AGT: variants seen among roughly 807,000 people sequenced by gnomAD.
AGT encodes the protein angiotensinogen, also known as alpha-1 antiproteinase, antitrypsin.
AGT carries 26 observed loss-of-function variants against 28.1 expected under a neutral mutation model. The observed-to-expected ratio is 0.92, with a 90% confidence interval of 0.68 to 1.28. AGT has a LOEUF of 1.28. AGT is among the 50% of genes most tolerant of loss of function. The pLI is 0.00. For missense variants in AGT, 596 were observed against 592.3 expected (o/e 1.01, Z -0.06); for synonymous variants, 259 against 259.6 (o/e 1.00, Z 0.02).
chr1:230,706,466 G>A (rs1663390827), intron 2 of AGT, among the ~76,000 whole-genome samples: 1 of 152,136 alleles, frequency 6.6e-6, no homozygotes, highest in Non-Finnish European at 1.5e-5. Context: ...GCACCAAACC[G>A]GGGGTTTTGC....
At chr1:230,729,266 C>T (rs2102801911) in intron 1 of AGT, among the ~76,000 whole-genome samples, 1 of 152,314 alleles carries the variant, frequency 6.6e-6, no homozygotes, top group East Asian at 1.9e-4. Flanking sequence ...GCCCTAATTG[C>T]TCTTCCTAGC....
chr1:230,737,867 A>G (rs927483731), intron 1 of AGT, among the ~76,000 whole-genome samples: 4 of 152,164 alleles, frequency 2.6e-5, no homozygotes, highest in African/African-American at 9.7e-5. Flanking sequence ...GAAAGCCTTT[A>G]GCCATCACCC....
chr1:230,732,991 G>A (rs960409206), intron 1 of AGT, among the ~76,000 whole-genome samples: 8 of 151,930 alleles, frequency 5.3e-5, no homozygotes, highest in African/African-American at 1.9e-4. Context: ...TCTGTTAAAA[G>A]TCAGTCCCTG....
At chr1:230,714,449 C>A (rs1325819407), upstream of AGT, among the ~76,000 whole-genome samples, 1 of 152,184 alleles carries the variant, frequency 6.6e-6, no homozygotes, top group Non-Finnish European at 1.5e-5. Context: ...ACCACCCAGG[C>A]CTTCTGACCC....
At chr1:230,741,644 A>T (rs543473532) in intron 1 of AGT, among the ~76,000 whole-genome samples, 50 of 152,344 alleles carry the variant, frequency 3.3e-4, no homozygotes, top group Middle Eastern at 6.8e-3. Flanking sequence ...AAGTCCCTGG[A>T]TGAAGAAAGG....
intron 1 of AGT, among the ~76,000 whole-genome samples, chr1:230,720,987 C>G (rs1237443125): frequency 2.0e-5 from 3 of 152,196 alleles, no homozygotes; most frequent in African/African-American, 7.2e-5. Flanking sequence ...CAGACCTGGC[C>G]CAGGGGGGCC....
chr1:230,729,736 T>G (rs1196744278), intron 1 of AGT, among the ~76,000 whole-genome samples: 1 of 152,100 alleles, frequency 6.6e-6, no homozygotes, highest in East Asian at 1.9e-4. Flanking sequence ...CCAGGTAAAG[T>G]TAGAATGAGC....
intron 1 of AGT, among the ~76,000 whole-genome samples, chr1:230,736,339 C>T (rs773769918): frequency 5.3e-5 from 8 of 152,054 alleles, no homozygotes; most frequent in Middle Eastern, 3.4e-3. Flanking sequence ...CTGGCTAACA[C>T]GGTGAAACCC....
chr1:230,737,427 C>G (rs536660729), intron 1 of AGT, among the ~76,000 whole-genome samples: 1 of 152,142 alleles, frequency 6.6e-6, no homozygotes, highest in African/African-American at 2.4e-5. Context: ...TTCCCTGGCC[C>G]CAGCTTCCTG....
At chr1:230,741,237 G>A (rs1055502693) in intron 1 of AGT, among the ~76,000 whole-genome samples, 3 of 152,210 alleles carry the variant, frequency 2.0e-5, no homozygotes, top group Non-Finnish European at 4.4e-5. Context: ...AGGCCATAGG[G>A]GCAGTGATCT....
At chr1:230,741,533 C>T (rs555715210) in intron 1 of AGT, among the ~76,000 whole-genome samples, 1 of 152,362 alleles carries the variant, frequency 6.6e-6, no homozygotes, top group East Asian at 1.9e-4. Flanking sequence ...TGGTGTGATG[C>T]CTGAGCACGG....
At chr1:230,713,039 C>T (rs1192979449) in intron 1 of AGT, among the ~76,000 whole-genome samples, 3 of 152,210 alleles carry the variant, frequency 2.0e-5, no homozygotes, top group Non-Finnish European at 4.4e-5. Context: ...TCCTCACCTT[C>T]CCTGAGGTTT....
chr1:230,742,894 G>A (rs1390914668), intron 1 of AGT, among the ~76,000 whole-genome samples: 1 of 152,186 alleles, frequency 6.6e-6, no homozygotes, highest in Non-Finnish European at 1.5e-5. Context: ...GGAAACAGCT[G>A]GATCAGAGTG....
chr1:230,703,366 G>C, intron 4 of AGT, 37 bp from the exon 5 acceptor site: 1 of 1,612,246 alleles, frequency 6.2e-7, no homozygotes, highest in Non-Finnish European at 8.5e-7. Flanking sequence ...TTCTGAGGGC[G>C]CACTGGGTGA....
intron 1 of AGT, among the ~76,000 whole-genome samples, chr1:230,743,147 G>T (rs1406247997): frequency 6.6e-6 from 1 of 151,940 alleles, no homozygotes. Context: ...CCCCCACCAC[G>T]CCTGACTCAT....
At chr1:230,744,764 G>A (rs1193424098) in intron 1 of AGT, among the ~76,000 whole-genome samples, 1 of 152,230 alleles carries the variant, frequency 6.6e-6, no homozygotes, top group African/African-American at 2.4e-5. Flanking sequence ...GTATCGGGAG[G>A]AGAATGAGAA....
intron 1 of AGT, among the ~76,000 whole-genome samples, chr1:230,734,976 A>T (rs1353875855): frequency 2.0e-5 from 3 of 152,042 alleles, no homozygotes; most frequent in Non-Finnish European, 4.4e-5. Flanking sequence ...GGCCTCCCAA[A>T]GTGCTGGGAT....
upstream of AGT, among the ~76,000 whole-genome samples, chr1:230,715,979 G>A (rs1663728189): frequency 6.6e-6 from 1 of 152,142 alleles, no homozygotes; most frequent in Non-Finnish European, 1.5e-5. Context: ...AAAATTTCAG[G>A]ACCCTCTAAA....
rs141724549 is a variant in AGT at position 230,710,631 on chromosome 1, C to G, written c.193G>C (p.Ala65Pro). ...DPTFIPAPIQ[A>P]KTSPVDEKAL... ...TTTTCATCCACAGGGGATGTCTTGGCCTGAATTGGAGCAGGTATGAAGGTG... is the reference window on the plus strand; with the variant it reads ...TTTTCATCCACAGGGGATGTCTTGGGCTGAATTGGAGCAGGTATGAAGGTG... The change falls in exon 2 of 5, where the codon GCC becomes CCC. Residue 65 changes from alanine (A) to proline (P), a missense_variant. Physicochemically the swap from Ala to Pro is conservative, Grantham distance 27. Coordinates refer to ENST00000366667, the MANE Select transcript of AGT (RefSeq NM_001384479.1). 6.2e-7 allele frequency: 1 copy of G among 1,614,242 alleles called. No homozygotes were observed. The highest frequency in any genetic ancestry group is 8.5e-7 in the Non-Finnish European group (1 of 1,180,046).
Sources: allele counts gnomAD v4.1 joint callset (sites outside exome capture counted in the v4.1 genomes callset), GRCh38; gene constraint gnomAD v4.1.1; transcripts MANE v1.5; gene names NCBI Gene and HGNC (gene_info 2026-07-23, HGNC 2026-07-21).